The following SLC1A7 variants were observed in gnomAD, a reference collection of about 807,000 sequenced individuals.
The protein encoded by SLC1A7 is excitatory amino acid transporter 5.
In SLC1A7, 40 loss-of-function variants were observed where a neutral mutation model predicts 47.7. The ratio of observed to expected loss-of-function variants is 0.84; its 90% CI spans 0.65 to 1.09. The LOEUF is 1.09. Ranked by LOEUF, SLC1A7 falls within the 50% of genes least tolerant of loss-of-function variation. The probability of loss-of-function intolerance (pLI) is 0.00; values close to 1 mark genes in which losing one functional copy is unlikely to be tolerated. For missense variants in SLC1A7, 746 were observed against 769.5 expected (o/e 0.97, Z 0.36); for synonymous variants, 323 against 325.6 (o/e 0.99, Z 0.09).
In SLC1A7 at chr1:53,088,010, C is replaced by T. The variant is rs1557663394; in HGVS notation, c.1682G>A (p.Ter561=). The T allele has an allele frequency of 6.7e-7, 1 of 1,499,660 alleles. No homozygotes were observed. The highest frequency in any genetic ancestry group is 9.0e-7 in the Non-Finnish European group (1 of 1,115,900). 92.9% of individuals were successfully genotyped at this position (1,499,660 alleles called of 1,614,324 possible). ...IQISELETNV[*] ...GCCTGCCCCTGCAGCTCCGCAGGCT[C>T]AGACATTGGTCTCCAGCTCACTGAT... Residue 561 remains the stop codon, a stop_retained_variant, in exon 11 of 11, where the codon TGA becomes TAA. Transcript: ENST00000371494.
At chr1:53,118,954 G>A (rs1470249729) in intron 2 of SLC1A7, among the ~76,000 whole-genome samples, 1 of 152,126 alleles carries the variant, frequency 6.6e-6, no homozygotes, top group Non-Finnish European at 1.5e-5. Flanking sequence ...CTGAGGCCAC[G>A]CCATTGCACT....
intron 1 of SLC1A7, among the ~76,000 whole-genome samples, chr1:53,136,560 T>TATATAATATATAAACATATGTA (rs71044458): frequency 1.2e-5 from 1 of 80,508 alleles, no homozygotes; most frequent in Non-Finnish European, 2.5e-5. Flanking sequence ...TATATAAACA[T>TATATAATATATAAACATATGTA]ATATATAAAC....
intron 2 of SLC1A7, among the ~76,000 whole-genome samples, chr1:53,129,493 TG>T (rs1644917673): frequency 7.2e-6 from 1 of 139,736 alleles, no homozygotes; most frequent in Non-Finnish European, 1.6e-5. Context: ...AAGCGTGGGC[TG>T]CACTCAGTTG....
intron 1 of SLC1A7, among the ~76,000 whole-genome samples, chr1:53,138,532 A>AC (rs1553165655): frequency 7.1e-6 from 1 of 140,090 alleles, no homozygotes; most frequent in Non-Finnish European, 1.5e-5. Flanking sequence ...ATTGACATTA[A>AC]TTTTTTTTTT....
chr1:53,103,610 G>A (rs1644609015), intron 4 of SLC1A7, 42 bp from the exon 5 acceptor site: 3 of 1,234,934 alleles, frequency 2.4e-6, no homozygotes, highest in Non-Finnish European at 3.4e-6. Context: ...CAGGGCCAAG[G>A]GTTGTTACTA....
At chr1:53,111,460 C>T (rs993498095) in intron 3 of SLC1A7, among the ~76,000 whole-genome samples, 4 of 152,128 alleles carry the variant, frequency 2.6e-5, no homozygotes, top group African/African-American at 9.7e-5. Context: ...GTGCTGAGAA[C>T]AGAGGACAGG....
At chr1:53,133,093 A>G (rs1279450828) in intron 2 of SLC1A7, among the ~76,000 whole-genome samples, 1 of 152,194 alleles carries the variant, frequency 6.6e-6, no homozygotes, top group Non-Finnish European at 1.5e-5. Flanking sequence ...AAAAGTTAGA[A>G]GAGTGTGAGT....
chr1:53,127,633 T>C (rs1644897460), intron 2 of SLC1A7, among the ~76,000 whole-genome samples: 1 of 152,214 alleles, frequency 6.6e-6, no homozygotes, highest in Non-Finnish European at 1.5e-5. Context: ...CCTGTGGTTA[T>C]GTGGTAGAAG....
chr1:53,127,421 A>G (rs753371452), intron 2 of SLC1A7, among the ~76,000 whole-genome samples: 1 of 152,146 alleles, frequency 6.6e-6, no homozygotes, highest in Non-Finnish European at 1.5e-5. Flanking sequence ...GGCTCCAGGG[A>G]GAGAGGTGAG....
At chr1:53,116,940 G>A (rs550790844) in intron 2 of SLC1A7, among the ~76,000 whole-genome samples, 4 of 152,234 alleles carry the variant, frequency 2.6e-5, no homozygotes, top group African/African-American at 9.6e-5. Context: ...CCAGGGAATG[G>A]GGAGGGAGAA....
At position 53,127,038 on chromosome 1, in the gene SLC1A7, G is replaced by GTTTTTTTTT. The variant is rs61456544; in HGVS notation, c.215+7303_215+7311dup. 5.7e-3 allele frequency among the ~76,000 whole-genome samples: 556 copies of GTTTTTTTTT among 97,516 alleles called. 1 individual carries two copies. The highest frequency in any genetic ancestry group is 0.011 in the Middle Eastern group (1 of 90). 64.0% of individuals were successfully genotyped at this position (97,516 alleles called of 152,430 possible). The stretch of plus-strand genomic sequence containing the variant: ...CCATCATGCCTGGCTAATTTTAAAA[G>GTTTTTTTTT]TTTTTTTTTTTTTTTTTTTGTAGAG... On this transcript the variant is annotated intron_variant, in intron 2 of 10. Coordinates refer to ENST00000371494, the MANE Select transcript of SLC1A7 (RefSeq NM_006671.6).
At chr1:53,122,433 G>A (rs140044586) in intron 2 of SLC1A7, among the ~76,000 whole-genome samples, 6 of 152,306 alleles carry the variant, frequency 3.9e-5, no homozygotes, top group Middle Eastern at 3.4e-3. Flanking sequence ...AGGAGGCTTC[G>A]GGGGTCTGCG....
chr1:53,114,826 C>T lies in SLC1A7; in HGVS notation c.363G>A (p.Gln121=). Residue 121 remains glutamine (Q), a synonymous_variant, in exon 3 of 11, where the codon CAG becomes CAA. Transcript: ENST00000371494. Reference sequence around the variant, plus strand: ...TCCCACTCTGCTCCGTGGTCTCCTTCTGGGCCGCGCTGCCTGGGTGGATGA... The same window carrying T: ...TCCCACTCTGCTCCGTGGTCTCCTTTTGGGCCGCGCTGCCTGGGTGGATGA... ...VSIIHPGSAA[Q]KETTEQSGKP... 6.2e-7 allele frequency: 1 copy of T among 1,614,204 alleles called. No individual in the cohort carries two copies. The highest frequency in any genetic ancestry group is 8.5e-7 in the Non-Finnish European group (1 of 1,180,030).
chr1:53,110,256 G>A (rs1046454275), intron 3 of SLC1A7, among the ~76,000 whole-genome samples: 4 of 152,150 alleles, frequency 2.6e-5, no homozygotes, highest in Admixed American at 6.5e-5. Flanking sequence ...GCCTGCCCAG[G>A]GCCACACAGT....
intron 5 of SLC1A7, among the ~76,000 whole-genome samples, chr1:53,096,713 C>G (rs1644496729): frequency 6.6e-6 from 1 of 151,636 alleles, no homozygotes; most frequent in South Asian, 2.1e-4. Flanking sequence ...CACACAGTGC[C>G]TTGGTACACT....
chr1:53,090,044 G>C (rs770806003), intron 8 of SLC1A7, 110 bp from the exon 9 acceptor site: 1 of 1,177,534 alleles, frequency 8.5e-7, no homozygotes, highest in Non-Finnish European at 1.2e-6. Context: ...CAGCCATTTG[G>C]TGCGGGGGGT....
chr1:53,135,401 T>C (rs1418734569), intron 1 of SLC1A7, among the ~76,000 whole-genome samples: 1 of 152,194 alleles, frequency 6.6e-6, no homozygotes, highest in Non-Finnish European at 1.5e-5. Flanking sequence ...GTCCATTCTC[T>C]AGTGCTTCTC....
chr1:53,129,494 GCACTCAGTTGGACTGAA>G (rs1557688865), intron 2 of SLC1A7, among the ~76,000 whole-genome samples: 7 of 112,442 alleles, frequency 6.2e-5, no homozygotes, highest in South Asian at 5.0e-4. Context: ...AGCGTGGGCT[GCACTCAGTTGGACTGAA>G]GCACACATGT....
chr1:53,106,743 G>T lies in SLC1A7; in HGVS notation c.432-969C>A, dbSNP rs376172813. Reference sequence around the variant, plus strand: ...AAAAGTTGTTTCACAAATCAGTGAGGAAACGAAGGATTCATTATAGAATGC... The same window carrying T: ...AAAAGTTGTTTCACAAATCAGTGAGTAAACGAAGGATTCATTATAGAATGC... On this transcript the variant is annotated intron_variant, in intron 3 of 10. Coordinates refer to ENST00000371494, the MANE Select transcript of SLC1A7 (RefSeq NM_006671.6). 9.2e-5 allele frequency among the ~76,000 whole-genome samples: 14 copies of T among 152,348 alleles called. No homozygotes were observed. In the East Asian group the frequency reaches 2.1e-3, roughly 23 times the overall value.
Sources: gnomAD v4.1 joint callset for allele counts (sites outside exome capture counted in the v4.1 genomes callset) on GRCh38, gnomAD v4.1.1 for gene constraint, MANE v1.5 for transcripts, NCBI Gene and HGNC (gene_info 2026-07-23, HGNC 2026-07-21) for gene names.